BUB1B: variants seen among roughly 807,000 people sequenced by gnomAD.
BUB1B encodes the protein mitotic checkpoint serine/threonine-protein kinase BUB1 beta.
Under a neutral mutation model 137.7 loss-of-function variants are expected in BUB1B, and 86 were observed. The observed-to-expected ratio is 0.62, with a 90% CI of 0.52 to 0.75. The LOEUF is 0.75. Ranked by LOEUF, BUB1B falls within the 30% of genes least tolerant of loss-of-function variation. The probability of loss-of-function intolerance (pLI) is 0.00; values close to 1 mark genes in which losing one functional copy is unlikely to be tolerated. For missense variants in BUB1B, 1,130 were observed against 1,236.9 expected, an observed-to-expected ratio of 0.91 and a Z score of 1.30; for synonymous variants, 420 against 417.9, an observed-to-expected ratio of 1.00 and a Z score of -0.06.
At chr15:40,209,544 A>ATT in intron 16 of BUB1B, 91 bp from the exon 17 acceptor site, 7 of 1,423,052 alleles carry the variant, frequency 4.9e-6, no homozygotes, top group Non-Finnish European at 6.9e-6. Context: ...TGTAATCTTG[A>ATT]TTTTTTTTTT....
Position 40,200,304 on chromosome 15 carries a change from A to G in BUB1B, c.1462A>G (p.Lys488Glu). ...TKLQIASESQ[K>E]IPGMTLSSSV... The stretch of plus-strand genomic sequence containing the variant: ...ACTGCAAATTGCTTCCGAGTCTCAG[A>G]AAATACCAGGAATGACTCTATCCAG... The change falls in exon 11 of 23, where the codon AAA becomes GAA. Residue 488 changes from lysine (K) to glutamate (E), a missense_variant. Coordinates refer to ENST00000287598, the MANE Select transcript of BUB1B (RefSeq NM_001211.6). 6.2e-7 allele frequency: 1 copy of G among 1,614,028 alleles called. No individual in the cohort carries two copies. The highest frequency in any genetic ancestry group is 8.5e-7 in the Non-Finnish European group (1 of 1,179,934).
At chr15:40,209,107 C>T (rs72731450) in intron 16 of BUB1B, among the ~76,000 whole-genome samples, 3,762 of 152,248 alleles carry the variant, frequency 0.025, 64 homozygotes, top group Non-Finnish European at 0.037. Flanking sequence ...CATGCCCAGT[C>T]TATGTGTTTT....
At chr15:40,161,770 C>T (rs952341261) in intron 1 of BUB1B, among the ~76,000 whole-genome samples, 5 of 152,086 alleles carry the variant, frequency 3.3e-5, no homozygotes, top group African/African-American at 1.2e-4. Flanking sequence ...GATCTAAAAG[C>T]CTTTTTCTGC....
Position 40,170,122 on chromosome 15 carries a change from G to A in BUB1B, c.239+1G>A. On this transcript the variant is annotated splice_donor_variant, in intron 3 of 22. Transcript: ENST00000287598. LOFTEE classifies it high-confidence loss of function. ...ATGACCCTCTGGATGTTTGGGATAG[G>A]TGGGTCTTTTTATTTCACAAGGACA... 1 of 1,612,310 alleles carries A rather than the reference G, an allele frequency of 6.2e-7. No homozygotes were observed. Among genetic ancestry groups the A allele is most frequent in the Non-Finnish European group, 8.5e-7 (1 of 1,178,358 alleles).
intron 20 of BUB1B, 78 bp from the exon 21 acceptor site, chr15:40,217,417 CT>C (rs144513398): frequency 8.5e-3 from 9,561 of 1,124,174 alleles, no homozygotes; most frequent in Non-Finnish European, 9.9e-3. Flanking sequence ...CCCAAGGTAC[CT>C]TTTTTTTTTA....
At chr15:40,218,041 G>A (rs1378408727) in intron 21 of BUB1B, among the ~76,000 whole-genome samples, 2 of 152,180 alleles carry the variant, frequency 1.3e-5, no homozygotes, top group East Asian at 1.9e-4. Context: ...AAGAACATTA[G>A]CACAAATGTA....
At chr15:40,200,708 C>G (rs566121598) in intron 11 of BUB1B, among the ~76,000 whole-genome samples, 1 of 152,236 alleles carries the variant, frequency 6.6e-6, no homozygotes, top group South Asian at 2.1e-4. Flanking sequence ...ATTTTGTAAT[C>G]TGCTTATACT....
intron 4 of BUB1B, 44 bp downstream of exon 4, chr15:40,170,725 A>G: frequency 6.3e-7 from 1 of 1,593,704 alleles, no homozygotes; most frequent in East Asian, 2.2e-5. Flanking sequence ...ATATTAAACT[A>G]AGAGATTTTC....
intron 8 of BUB1B, among the ~76,000 whole-genome samples, chr15:40,189,128 A>G (rs1487496207): frequency 6.6e-6 from 1 of 152,020 alleles, no homozygotes; most frequent in Non-Finnish European, 1.5e-5. Context: ...TCGTGTAAAT[A>G]ATATAATATG....
At chr15:40,206,951 A>T (rs2037645251) in intron 15 of BUB1B, among the ~76,000 whole-genome samples, 1 of 152,116 alleles carries the variant, frequency 6.6e-6, no homozygotes, top group Admixed American at 6.5e-5. Context: ...CTGGGACTAC[A>T]GGTGCGCACC....
intron 8 of BUB1B, among the ~76,000 whole-genome samples, chr15:40,193,020 ATT>A (rs879696225): frequency 6.9e-6 from 1 of 145,130 alleles, no homozygotes; most frequent in African/African-American, 2.5e-5. Flanking sequence ...CTGGCTTATT[ATT>A]TTTTTTTTTT....
At chr15:40,163,124 G>A (rs2037058724) in intron 1 of BUB1B, among the ~76,000 whole-genome samples, 2 of 152,154 alleles carry the variant, frequency 1.3e-5, no homozygotes, top group Non-Finnish European at 2.9e-5. Context: ...AGTCTGAATG[G>A]GTGTGAATGT....
At chr15:40,182,661 A>C (rs537369738) in intron 5 of BUB1B, among the ~76,000 whole-genome samples, 3 of 152,142 alleles carry the variant, frequency 2.0e-5, no homozygotes, top group Non-Finnish European at 2.9e-5. Flanking sequence ...GGAACCTAAG[A>C]TGTATGCCAA....
chr15:40,185,950 TGTTAA>T (rs1438054252), intron 8 of BUB1B, among the ~76,000 whole-genome samples: 1 of 152,250 alleles, frequency 6.6e-6, no homozygotes, highest in African/African-American at 2.4e-5. Context: ...AAAGACCATT[TGTTAA>T]TATTTTATTA....
chr15:40,167,737 C>T (rs891924428), intron 2 of BUB1B, among the ~76,000 whole-genome samples: 2 of 151,548 alleles, frequency 1.3e-5, no homozygotes, highest in South Asian at 4.2e-4. Context: ...TTTTTCCTCT[C>T]ATATGGGTTA....
At chr15:40,210,646 A>ATAG in intron 18 of BUB1B, among the ~76,000 whole-genome samples, 1 of 152,120 alleles carries the variant, frequency 6.6e-6, no homozygotes, top group Middle Eastern at 3.4e-3. Context: ...AATAGCTGGG[A>ATAG]CCGTAGGTGC....
rs1465582551 is a variant in BUB1B, at chr15:40,220,594, C to T, written c.2988C>T (p.Phe996=). ...AAGATGGTGAATTGTGGAATAAATT[C>T]TTTGTGCGGATTCTGAATGCCAATG... ...ELKDGELWNK[F]FVRILNANDE... Residue 996 remains phenylalanine (F), a synonymous_variant, in exon 23 of 23, where the codon TTC becomes TTT. Coordinates refer to ENST00000287598, the MANE Select transcript of BUB1B (RefSeq NM_001211.6). The T allele has an allele frequency of 1.3e-5, 21 of 1,613,986 alleles. No individual in the cohort carries two copies. The highest frequency in any genetic ancestry group is 3.3e-5 in the Admixed American group (2 of 59,986).
intron 20 of BUB1B, among the ~76,000 whole-genome samples, 186 bp downstream of exon 20, chr15:40,213,660 C>CTAG (rs139838051): frequency 0.079 from 12,043 of 152,042 alleles, 1,544 homozygotes; most frequent in African/African-American, 0.28. Flanking sequence ...CTTAACCTTG[C>CTAG]TAGTAGCTGG....
At chr15:40,184,241 C>G (rs1374598724) in intron 6 of BUB1B, among the ~76,000 whole-genome samples, 1 of 152,058 alleles carries the variant, frequency 6.6e-6, no homozygotes, top group Non-Finnish European at 1.5e-5. Flanking sequence ...GCCTTCAGAG[C>G]CCTTTGGGAC....
Sources: gnomAD v4.1 joint callset for allele counts (sites outside exome capture counted in the v4.1 genomes callset) on GRCh38, gnomAD v4.1.1 for gene constraint, MANE v1.5 for transcripts, NCBI Gene and HGNC (gene_info 2026-07-23, HGNC 2026-07-21) for gene names.